PTPRE: variants seen among roughly 807,000 people sequenced by gnomAD.
The protein encoded by PTPRE is receptor-type tyrosine-protein phosphatase epsilon.
A neutral mutation model predicts 102.0 loss-of-function variants in PTPRE; 51 were observed. That is an observed-to-expected ratio of 0.50 (90% confidence interval 0.40 to 0.63). The LOEUF is 0.63. PTPRE is among the 30% of genes least tolerant of loss of function. The probability of loss-of-function intolerance (pLI) is 0.00; values close to 1 mark genes in which losing one functional copy is unlikely to be tolerated. For synonymous variants in PTPRE, 345 were observed against 348.2 expected, an observed-to-expected ratio of 0.99 and a Z score of 0.10; for missense variants, 752 against 915.1, an observed-to-expected ratio of 0.82 and a Z score of 2.30.
chr10:128,070,934 T>C lies in PTPRE; in HGVS notation c.1387+33T>C, dbSNP rs879005271. 1 of 1,586,626 alleles carries C rather than the reference T, an allele frequency of 6.3e-7. No homozygotes were observed. Among genetic ancestry groups the C allele is most frequent in the South Asian group, 1.1e-5 (1 of 90,408 alleles). On this transcript the variant is annotated intron_variant, in intron 15 of 20. Coordinates refer to ENST00000254667, the MANE Select transcript of PTPRE (RefSeq NM_006504.6). This position sits in a 1 kb window ranked among gnomAD's most constrained non-coding sequence, Gnocchi z 4.8. ...ACCCGTGGCGTGGCTTGGGCAGGGCTGGGGCGGGGCTGGTGCCGGAGGCTT... is the reference window on the plus strand; with the variant it reads ...ACCCGTGGCGTGGCTTGGGCAGGGCCGGGGCGGGGCTGGTGCCGGAGGCTT...
At chr10:127,964,313 G>A (rs568484256) in intron 1 of PTPRE, among the ~76,000 whole-genome samples, 3 of 152,110 alleles carry the variant, frequency 2.0e-5, no homozygotes, top group Admixed American at 1.3e-4. Flanking sequence ...GGGATTACAG[G>A]AGCCCACCAC....
chr10:127,970,737 C>T (rs1479390614), intron 1 of PTPRE, among the ~76,000 whole-genome samples: 1 of 151,258 alleles, frequency 6.6e-6, no homozygotes, highest in African/African-American at 2.4e-5. Flanking sequence ...AATGGACACT[C>T]AAGTTTCCAT....
chr10:128,022,400 C>T (rs937967238), intron 2 of PTPRE, among the ~76,000 whole-genome samples: 3 of 152,350 alleles, frequency 2.0e-5, no homozygotes, highest in East Asian at 3.9e-4. Flanking sequence ...ATCCCAAGGC[C>T]CCACTGGGCA....
At chr10:128,076,459 C>A (rs1851214370) in intron 17 of PTPRE, 144 bp from the exon 18 acceptor site, 1 of 755,578 alleles carries the variant, frequency 1.3e-6, no homozygotes, top group African/African-American at 1.9e-5. Flanking sequence ...CATTAACAGG[C>A]ATTTATATTC....
At chr10:127,923,762 T>C (rs1006738436) in intron 1 of PTPRE, among the ~76,000 whole-genome samples, 2 of 152,182 alleles carry the variant, frequency 1.3e-5, no homozygotes, top group African/African-American at 4.8e-5. Context: ...CAATCTTCCT[T>C]TAACACAGGA....
intron 1 of PTPRE, among the ~76,000 whole-genome samples, chr10:127,931,531 C>T (rs955188430): frequency 2.6e-5 from 4 of 152,174 alleles, no homozygotes; most frequent in Non-Finnish European, 4.4e-5. Context: ...TTCTGTTTTT[C>T]GTATATGAAG....
chr10:127,998,183 A>G (rs1163688205), intron 2 of PTPRE: 1 of 152,250 alleles, frequency 6.6e-6, no homozygotes, highest in Non-Finnish European at 1.5e-5. Flanking sequence ...ATGGTTTTCA[A>G]TGATTGTTTC....
At chr10:128,010,133 C>T (rs769224406) in intron 2 of PTPRE, among the ~76,000 whole-genome samples, 11 of 152,162 alleles carry the variant, frequency 7.2e-5, no homozygotes, top group Admixed American at 2.0e-4. Context: ...CTTTGCTGGC[C>T]GTAAACCAGG....
rs1258616020 is a variant in PTPRE, at chr10:128,069,836, T to C, written c.1143+9T>C. On this transcript the variant is annotated intron_variant, in intron 13 of 20. Transcript: ENST00000254667. ...AGATGGTTCAAACGGATGTGAGTCA[T>C]GCCTTCCTCTTGCCCTGATCTAGCT... The C allele has an allele frequency of 1.9e-6, 3 of 1,614,144 alleles. No homozygotes were observed. Among genetic ancestry groups the C allele is most frequent in the Non-Finnish European group, 2.5e-6 (3 of 1,180,056 alleles).
intron 2 of PTPRE, 40 bp downstream of exon 2, chr10:127,982,336 GATA>G (rs1191965979): frequency 1.7e-6 from 2 of 1,146,138 alleles, no homozygotes; most frequent in African/African-American, 3.3e-5. Flanking sequence ...TTGATGTACA[GATA>G]ACTAGTTTAA....
At chr10:128,053,058 G>A (rs1434264287) in intron 6 of PTPRE, among the ~76,000 whole-genome samples, 1 of 152,172 alleles carries the variant, frequency 6.6e-6, no homozygotes, top group South Asian at 2.1e-4. Flanking sequence ...AGACCAGCCT[G>A]TCCAACATGG....
chr10:127,975,765 A>G (rs530491629), intron 1 of PTPRE, among the ~76,000 whole-genome samples: 6 of 152,236 alleles, frequency 3.9e-5, no homozygotes, highest in Non-Finnish European at 7.3e-5. Context: ...GCTTGTCCTG[A>G]ATACATTTCA....
chr10:128,078,225 C>G (rs1364050443), intron 19 of PTPRE, among the ~76,000 whole-genome samples: 1 of 152,208 alleles, frequency 6.6e-6, no homozygotes, highest in African/African-American at 2.4e-5. Flanking sequence ...GGAGTCCCAA[C>G]TGGGATTGTA....
chr10:127,984,776 G>A (rs374661369), intron 2 of PTPRE, among the ~76,000 whole-genome samples: 35 of 152,184 alleles, frequency 2.3e-4, no homozygotes, highest in East Asian at 3.8e-4. Context: ...CATGTGAGAC[G>A]TGCCTTTCAC....
chr10:127,967,153 C>T (rs1049910992), intron 1 of PTPRE, among the ~76,000 whole-genome samples: 1 of 152,308 alleles, frequency 6.6e-6, no homozygotes, highest in East Asian at 1.9e-4. Flanking sequence ...CAGTGTTTCT[C>T]AGTTGACCGT....
chr10:127,947,041 T>C (rs1163264217), intron 1 of PTPRE, among the ~76,000 whole-genome samples: 5 of 146,726 alleles, frequency 3.4e-5, no homozygotes. Context: ...AAAAAAGCTA[T>C]ATGTTTTTAA....
chr10:128,015,920 C>T (rs552735922), intron 2 of PTPRE, among the ~76,000 whole-genome samples: 11 of 152,298 alleles, frequency 7.2e-5, no homozygotes, highest in South Asian at 2.1e-4. Flanking sequence ...CATGAGAAAG[C>T]GGATGGGCCT....
chr10:128,066,575 CCT>C lies in PTPRE; in HGVS notation c.843+383_843+384del, dbSNP rs1413915894. Among the ~76,000 whole-genome samples, 6 of 152,338 alleles carry C rather than the reference CCT, an allele frequency of 3.9e-5. No homozygotes were observed. The East Asian group carries it at 1.2e-3, about 29-fold the overall frequency. ...ACTTTCCGAATTCTGTCTGAAACCT[CCT>C]CGTTATTTTCCACACTTGGGTTCTG... On this transcript the variant is annotated intron_variant, in intron 11 of 20. Transcript: ENST00000254667.
Position 127,987,750 on chromosome 10 carries a change from G to A in PTPRE, c.-8+5454G>A, listed in dbSNP as rs554614936. Among the ~76,000 whole-genome samples, 7 of 152,164 alleles carry A rather than the reference G, an allele frequency of 4.6e-5. 1 individual carries two copies. In the South Asian group the frequency reaches 6.2e-4, roughly 14 times the overall value. On this transcript the variant is annotated intron_variant, in intron 2 of 20. Coordinates refer to ENST00000254667, the MANE Select transcript of PTPRE (RefSeq NM_006504.6). ...CTAACAATTGCTGGGGACATAGGCCGGCTCGATGACATGGGAAAATCCCAC... is the reference window on the plus strand; with the variant it reads ...CTAACAATTGCTGGGGACATAGGCCAGCTCGATGACATGGGAAAATCCCAC...
Sources: gnomAD v4.1 joint callset for allele counts (sites outside exome capture counted in the v4.1 genomes callset) on GRCh38, gnomAD v4.1.1 for gene constraint, Gnocchi (gnomAD v3.1) non-coding constraint, MANE v1.5 for transcripts, NCBI Gene and HGNC (gene_info 2026-07-23, HGNC 2026-07-21) for gene names.